Variants in SGCZ observed in about 807,000 individuals in gnomAD.
SGCZ encodes the protein zeta-sarcoglycan.
Under a neutral mutation model 41.3 loss-of-function variants are expected in SGCZ, and 40 were observed. The ratio of observed to expected loss-of-function variants is 0.97; its 90% CI spans 0.75 to 1.26. The LOEUF (loss-of-function observed/expected upper bound fraction) is 1.26, where lower values mean the gene tolerates loss of function less well. SGCZ is among the 50% of genes most tolerant of loss of function. The pLI, the probability that SGCZ is intolerant of heterozygous loss-of-function variation, is 0.00. For missense variants in SGCZ, 552 were observed against 369.8 expected (o/e 1.49, Z -4.04); for synonymous variants, 206 against 137.5 (o/e 1.50, Z -3.49).
At chr8:14,967,252 G>T (rs1311107779) in intron 1 of SGCZ, among the ~76,000 whole-genome samples, 1 of 152,230 alleles carries the variant, frequency 6.6e-6, no homozygotes, top group East Asian at 1.9e-4. Context: ...CTGAGACCTG[G>T]AAAGTCTAAT....
chr8:14,114,785 G>T (rs1280956887), intron 5 of SGCZ, among the ~76,000 whole-genome samples: 1 of 151,820 alleles, frequency 6.6e-6, no homozygotes, highest in African/African-American at 2.4e-5. Flanking sequence ...CTTCCATATG[G>T]CTCTCATTTT....
chr8:14,211,206 T>C (rs1399317834), intron 4 of SGCZ, among the ~76,000 whole-genome samples: 1 of 152,118 alleles, frequency 6.6e-6, no homozygotes, highest in Non-Finnish European at 1.5e-5. Flanking sequence ...GGAGTAAAGG[T>C]GTTTTGCTTG....
chr8:14,131,038 C>T (rs530844975), intron 5 of SGCZ, among the ~76,000 whole-genome samples: 34 of 152,278 alleles, frequency 2.2e-4, no homozygotes, highest in African/African-American at 6.3e-4. Flanking sequence ...CACCTAACCA[C>T]GAATAGGGAG....
At chr8:15,124,284 CA>C (rs1228714829) in intron 1 of SGCZ, among the ~76,000 whole-genome samples, 2 of 152,044 alleles carry the variant, frequency 1.3e-5, no homozygotes, top group Admixed American at 1.3e-4. Context: ...TTCTATATTA[CA>C]AGGATGGAGA....
chr8:14,140,758 T>C (rs1027494537), intron 5 of SGCZ, among the ~76,000 whole-genome samples: 15 of 152,138 alleles, frequency 9.9e-5, no homozygotes, highest in East Asian at 3.8e-4. Flanking sequence ...AGGTAATTTA[T>C]AGATTCAATG....
intron 5 of SGCZ, among the ~76,000 whole-genome samples, chr8:14,140,205 A>G (rs1422284794): frequency 3.3e-5 from 5 of 152,228 alleles, no homozygotes; most frequent in Non-Finnish European, 2.9e-5. Flanking sequence ...ACAAACCCAT[A>G]GCCAATATCA....
rs1208682570 is a variant in SGCZ at position 14,749,254 on chromosome 8, A to G, written c.40-194328T>C. 3.9e-5 allele frequency among the ~76,000 whole-genome samples: 6 copies of G among 152,246 alleles called. No individual in the cohort carries two copies. The East Asian group carries it at 1.2e-3, about 29-fold the overall frequency. ...CTGGACTGGTGATGTTTGGACCAAAATGATCCACACTATATCAAGTTAGAA... is the reference window on the plus strand; with the variant it reads ...CTGGACTGGTGATGTTTGGACCAAAGTGATCCACACTATATCAAGTTAGAA... On this transcript the variant is annotated intron_variant, in intron 1 of 7. Transcript: ENST00000382080.
At chr8:15,172,012 C>T (rs1271765325) in intron 1 of SGCZ, among the ~76,000 whole-genome samples, 1 of 151,964 alleles carries the variant, frequency 6.6e-6, no homozygotes, top group Admixed American at 6.6e-5. Flanking sequence ...GCAAAGAGAA[C>T]TAATAACTTG....
chr8:14,691,438 A>T (rs1001774248), intron 1 of SGCZ, among the ~76,000 whole-genome samples: 2 of 152,138 alleles, frequency 1.3e-5, no homozygotes, highest in Admixed American at 6.6e-5. Context: ...GTACCAAAGG[A>T]TGACCTAGCG....
Position 14,539,679 on chromosome 8 carries a change from T to G in SGCZ, c.234+15053A>C, listed in dbSNP as rs573223760. 3.7e-4 allele frequency among the ~76,000 whole-genome samples: 56 copies of G among 152,164 alleles called. 1 individual carries two copies. Among genetic ancestry groups the G allele is most frequent in the African/African-American group, 1.3e-3 (52 of 41,554 alleles). Reference sequence around the variant, plus strand: ...CCTAGTAGTTGTTATTTATTTTTCTTGATCTTCTTCCTCCTTCCATCCTCC... The same window carrying G: ...CCTAGTAGTTGTTATTTATTTTTCTGGATCTTCTTCCTCCTTCCATCCTCC... On this transcript the variant is annotated intron_variant, in intron 2 of 7. Transcript: ENST00000382080.
At chr8:14,460,676 G>A (rs1800876869) in intron 2 of SGCZ, among the ~76,000 whole-genome samples, 1 of 152,120 alleles carries the variant, frequency 6.6e-6, no homozygotes, top group South Asian at 2.1e-4. Flanking sequence ...CAAAGAAGTA[G>A]ATTTTGTCCC....
At chr8:14,274,542 A>G (rs769317916) in intron 3 of SGCZ, among the ~76,000 whole-genome samples, 6 of 152,174 alleles carry the variant, frequency 3.9e-5, no homozygotes, top group Non-Finnish European at 7.4e-5. Context: ...TTCTAGTGCT[A>G]TAAGGATTTA....
In SGCZ at chr8:15,167,553, A is replaced by G. The variant is rs146672420; in HGVS notation, c.39+70032T>C. ...ATTCCTTGTGGAACAGACTTCCATC[A>G]AAGCCAAACCAAAAGGCCTCTGCAG... On this transcript the variant is annotated intron_variant, in intron 1 of 7. Transcript: ENST00000382080. 5.6e-3 allele frequency among the ~76,000 whole-genome samples: 857 copies of G among 152,360 alleles called. 4 individuals carry two copies. Among genetic ancestry groups the G allele is most frequent in the African/African-American group, 0.02 (818 of 41,576 alleles).
At chr8:15,136,552 G>A (rs1808113126) in intron 1 of SGCZ, among the ~76,000 whole-genome samples, 1 of 152,088 alleles carries the variant, frequency 6.6e-6, no homozygotes, top group African/African-American at 2.4e-5. Flanking sequence ...CAGGTGTCAT[G>A]GGAGGAACCA....
intron 2 of SGCZ, among the ~76,000 whole-genome samples, chr8:14,358,908 C>T (rs1803400685): frequency 6.6e-6 from 1 of 152,030 alleles, no homozygotes; most frequent in Admixed American, 6.6e-5. Flanking sequence ...TGCACCTGGC[C>T]AGGTATAGTA....
At chr8:14,652,345 A>G (rs78673638) in intron 1 of SGCZ, among the ~76,000 whole-genome samples, 5 of 4,434 alleles carry the variant, frequency 1.1e-3, no homozygotes, top group Admixed American at 5.7e-3. Context: ...AAAAAAAAAA[A>G]AGGGGGGGGT....
intron 1 of SGCZ, among the ~76,000 whole-genome samples, chr8:14,788,027 A>T (rs2130458565): frequency 6.6e-6 from 1 of 152,286 alleles, no homozygotes; most frequent in African/African-American, 2.4e-5. Context: ...TTCATTTTTT[A>T]TTCCAAAAAT....
intron 2 of SGCZ, among the ~76,000 whole-genome samples, chr8:14,481,997 C>T (rs1025630290): frequency 1.4e-4 from 22 of 152,122 alleles, no homozygotes; most frequent in Admixed American, 1.2e-3. Context: ...GACAGCAGAA[C>T]CCAGACAGAG....
intron 4 of SGCZ, among the ~76,000 whole-genome samples, chr8:14,215,672 T>C (rs7015375): frequency 0.61 from 92,689 of 152,004 alleles, 28,650 homozygotes; most frequent in South Asian, 0.73. Context: ...TCACTATAGA[T>C]AGTTTAATCT....
Sources: gnomAD v4.1 joint callset for allele counts (sites outside exome capture counted in the v4.1 genomes callset) on GRCh38, gnomAD v4.1.1 for gene constraint, MANE v1.5 for transcripts, NCBI Gene and HGNC (gene_info 2026-07-23, HGNC 2026-07-21) for gene names.